LIMK2: variants seen among roughly 807,000 people sequenced by gnomAD.
The protein encoded by LIMK2 is LIM domain kinase 2.
A neutral mutation model predicts 75.7 loss-of-function variants in LIMK2; 35 were observed. That is an observed-to-expected ratio of 0.46 (90% CI 0.35 to 0.61). The LOEUF (loss-of-function observed/expected upper bound fraction) is 0.61. Ranked by LOEUF, LIMK2 falls within the 20% of genes least tolerant of loss-of-function variation. LIMK2 has a pLI of 0.00. For synonymous variants in LIMK2, 301 were observed against 319.2 expected, an observed-to-expected ratio of 0.94 and a Z score of 0.61; for missense variants, 623 against 831.0, an observed-to-expected ratio of 0.75 and a Z score of 3.08.
rs567250437 is a variant in LIMK2, at chr22:31,255,978, C to CTTTTT, written c.117-2279_117-2275dup. Among the ~76,000 whole-genome samples, 31 of 29,684 alleles carry CTTTTT rather than the reference C, an allele frequency of 1.0e-3. 11 individuals carry two copies. The highest frequency in any genetic ancestry group is 3.4e-3 in the East Asian group (3 of 878). 19.5% of individuals were successfully genotyped at this position (29,684 alleles called of 152,430 possible). A position where few individuals can be genotyped will look rare whatever the true frequency, so the allele number is the denominator to read the frequency against. The stretch of plus-strand genomic sequence containing the variant: ...ATACTGAGTTTCTACTATATTGGGT[C>CTTTTT]TTTTTTTTTTTTTTTTTTTTTTTTT... On this transcript the variant is annotated intron_variant, in intron 2 of 15. Transcript: ENST00000331728.
intron 11 of LIMK2, 98 bp downstream of exon 11, chr22:31,268,298 T>G (rs2048917154): frequency 2.1e-6 from 2 of 964,514 alleles, no homozygotes; most frequent in Admixed American, 3.4e-5. Context: ...CCTATGCAAC[T>G]TGTGTGGGCT....
At chr22:31,270,180 C>T (rs2048941482) in intron 11 of LIMK2, among the ~76,000 whole-genome samples, 1 of 152,102 alleles carries the variant, frequency 6.6e-6, no homozygotes, top group Admixed American at 6.6e-5. Flanking sequence ...ACCTAATCTG[C>T]AGAGAAGGGG....
intron 2 of LIMK2, 74 bp from the exon 3 acceptor site, chr22:31,258,217 T>C: frequency 6.1e-6 from 9 of 1,467,044 alleles, no homozygotes; most frequent in Non-Finnish European, 8.3e-6. Context: ...TTGTCATACC[T>C]AGGAACCAGG....
chr22:31,246,183 G>GCACACA (rs57524309), intron 2 of LIMK2, among the ~76,000 whole-genome samples: 3,944 of 135,050 alleles, frequency 0.029, 203 homozygotes, highest in East Asian at 0.22. Context: ...ACGCACGCAC[G>GCACACA]CACACACACA....
chr22:31,262,004 G>A lies in LIMK2; in HGVS notation c.552-130G>A, dbSNP rs914804160. ...ATCCTGGAAAAGGTGTTGCCTTTCTGTGTGGGTATCCTGGGCCCCTTAGGG... is the reference window on the plus strand; with the variant it reads ...ATCCTGGAAAAGGTGTTGCCTTTCTATGTGGGTATCCTGGGCCCCTTAGGG... On this transcript the variant is annotated intron_variant, in intron 5 of 15. Transcript: ENST00000331728. This position sits in a 1 kb window ranked among gnomAD's most constrained non-coding sequence, Gnocchi z 5.0. The A allele has an allele frequency of 6.2e-5, 44 of 708,000 alleles. No individual in the cohort carries two copies. Among genetic ancestry groups the A allele is most frequent in the Non-Finnish European group, 9.7e-5 (38 of 392,356 alleles). The allele number at this position is 708,000 out of a possible 1,614,324, so 43.9% of individuals were successfully genotyped here.
At chr22:31,213,817 C>CTTTTTTTTTTTTTTTTT (rs71689139) in intron 1 of LIMK2, among the ~76,000 whole-genome samples, 5 of 145,334 alleles carry the variant, frequency 3.4e-5, no homozygotes, top group Non-Finnish European at 3.0e-5. Context: ...TTTCCAGTAA[C>CTTTTTTTTTTTTTTTTT]TTTTTTTTTT....
At chr22:31,257,544 T>C (rs1031875717) in intron 2 of LIMK2, among the ~76,000 whole-genome samples, 6 of 152,190 alleles carry the variant, frequency 3.9e-5, no homozygotes, top group African/African-American at 1.4e-4. Flanking sequence ...AATTTTACAA[T>C]ATAATATTAT....
intron 14 of LIMK2, among the ~76,000 whole-genome samples, chr22:31,274,539 T>C (rs2048992596): frequency 6.6e-6 from 1 of 152,122 alleles, no homozygotes. Context: ...TAGCTGGGAC[T>C]ACAGGTGTGC....
chr22:31,243,251 G>A (rs1305165840), intron 2 of LIMK2, among the ~76,000 whole-genome samples: 1 of 152,152 alleles, frequency 6.6e-6, no homozygotes, highest in African/African-American at 2.4e-5. Context: ...GATGACTGCT[G>A]CTATAATGTA....
At chr22:31,213,032 A>G (rs1203708269) in intron 1 of LIMK2, among the ~76,000 whole-genome samples, 4 of 152,068 alleles carry the variant, frequency 2.6e-5, no homozygotes, top group Non-Finnish European at 5.9e-5. Flanking sequence ...TTAGGACAGG[A>G]CTAAGGGTAA....
intron 2 of LIMK2, among the ~76,000 whole-genome samples, chr22:31,257,831 G>T (rs1252353673): frequency 6.6e-6 from 1 of 152,134 alleles, no homozygotes; most frequent in Non-Finnish European, 1.5e-5. Flanking sequence ...TTGGTGATGG[G>T]TCAGTTTTGA....
chr22:31,244,170 C>T (rs1166406719), intron 2 of LIMK2, among the ~76,000 whole-genome samples: 4 of 152,182 alleles, frequency 2.6e-5, no homozygotes, highest in Non-Finnish European at 5.9e-5. Flanking sequence ...TCCTAGACAC[C>T]GACTCACTGA....
At chr22:31,226,136 T>C (rs1232355721) in intron 2 of LIMK2, among the ~76,000 whole-genome samples, 1 of 152,230 alleles carries the variant, frequency 6.6e-6, no homozygotes, top group East Asian at 1.9e-4. Flanking sequence ...TTCCTGTGGC[T>C]GCACTACAGA....
chr22:31,238,229 T>A (rs2048596420), intron 2 of LIMK2, among the ~76,000 whole-genome samples: 1 of 152,008 alleles, frequency 6.6e-6, no homozygotes, highest in South Asian at 2.1e-4. Flanking sequence ...AGATGCTGAA[T>A]CTAGATTTGG....
At chr22:31,244,193 T>A (rs1031151572) in intron 2 of LIMK2, among the ~76,000 whole-genome samples, 1 of 152,208 alleles carries the variant, frequency 6.6e-6, no homozygotes. Context: ...CCGTCGCCGC[T>A]GGAACAGCAG....
Position 31,263,479 on chromosome 22 carries a change from T to G in LIMK2, c.854+688T>G, listed in dbSNP as rs576285358. On this transcript the variant is annotated intron_variant, in intron 7 of 15. Transcript: ENST00000331728. ...TAAGGATTAAATGTGGAAAAGGACA[T>G]AAAGTTGTATAGTGCTGCCATAGGG... 1.6e-4 allele frequency among the ~76,000 whole-genome samples: 24 copies of G among 152,240 alleles called. No homozygotes were observed. In the South Asian group the frequency reaches 4.8e-3, roughly 30 times the overall value.
In LIMK2 at chr22:31,260,077, AGTAAGTATTTTGAG is replaced by A; in HGVS notation, c.551+1_551+14del. The A allele has an allele frequency of 1.3e-6, 2 of 1,567,210 alleles. No homozygotes were observed. Among genetic ancestry groups the A allele is most frequent in the Non-Finnish European group, 1.7e-6 (2 of 1,158,892 alleles). On this transcript the variant is annotated splice_donor_variant and splice_donor_5th_base_variant and intron_variant, in intron 5 of 15. Coordinates refer to ENST00000331728, the MANE Select transcript of LIMK2 (RefSeq NM_005569.4). LOFTEE classifies it high-confidence loss of function. ...TACGCCACCACTGTGCAAGTGAAAG[AGTAAGTATTTTGAG>A]AACCCTTCAGCAGGGGTTCTTGAGC...
Position 31,266,123 on chromosome 22 carries a change from G to A in LIMK2, c.1032G>A (p.Gln344=). 3 of 1,614,170 alleles carry A rather than the reference G, an allele frequency of 1.9e-6. No homozygotes were observed. Among genetic ancestry groups the A allele is most frequent in the Non-Finnish European group, 2.5e-6 (3 of 1,180,018 alleles). ...GEVLGKGFFG[Q]AIKVTHKATG... ...TCCTGGGGAAGGGCTTCTTTGGGCA[G>A]GCTATCAAGGTGAGCGCAGGCAACA... The change falls in exon 8 of 16, where the codon CAG becomes CAA. Residue 344 remains glutamine, a synonymous_variant. Transcript: ENST00000331728.
rs1403014622 is a variant in LIMK2, at chr22:31,267,011, A to T, written c.1069A>T (p.Met357Leu). ...KVTHKATGKVMVMKELIRCDE... is the reference protein window; with the variant it reads ...KVTHKATGKVLVMKELIRCDE... ...GACACACAAAGCCACGGGCAAAGTG[A>T]TGGTCATGAAAGAGTTAATTCGATG... Residue 357 changes from methionine to leucine, a missense_variant, in exon 9 of 16, where the codon ATG (methionine) becomes TTG (leucine). Coordinates refer to ENST00000331728, the MANE Select transcript of LIMK2 (RefSeq NM_005569.4). The T allele has an allele frequency of 7.5e-6, 12 of 1,610,256 alleles. No individual in the cohort carries two copies. The highest frequency in any genetic ancestry group is 9.3e-6 in the Non-Finnish European group (11 of 1,177,992).
Sources: gnomAD v4.1 joint callset for allele counts (sites outside exome capture counted in the v4.1 genomes callset) on GRCh38, gnomAD v4.1.1 for gene constraint, Gnocchi (gnomAD v3.1) non-coding constraint, MANE v1.5 for transcripts, NCBI Gene and HGNC (gene_info 2026-07-23, HGNC 2026-07-21) for gene names.